The following NRG1 variants were observed in gnomAD, a reference collection of about 807,000 sequenced individuals.
NRG1 encodes the protein neuregulin 1, also known as pro-neuregulin-1, membrane-bound isoform.
Under a neutral mutation model 63.8 loss-of-function variants are expected in NRG1, and 18 were observed. That is an observed-to-expected ratio of 0.28 (90% CI 0.19 to 0.42). The LOEUF is 0.42. NRG1 is among the 10% of genes least tolerant of loss of function. NRG1 has a pLI of 1.00. For missense variants in NRG1, 762 were observed against 814.7 expected, an observed-to-expected ratio of 0.94 and a Z score of 0.79; for synonymous variants, 302 against 301.3, an observed-to-expected ratio of 1.00 and a Z score of -0.02.
intron 1 of NRG1, among the ~76,000 whole-genome samples, chr8:32,426,262 T>C (rs1817357859): frequency 6.6e-6 from 1 of 152,158 alleles, no homozygotes; most frequent in African/African-American, 2.4e-5. Context: ...TCAATGGCCG[T>C]AGGTTGCTGT....
intron 6 of NRG1, among the ~76,000 whole-genome samples, chr8:32,733,508 G>T (rs1194933758): frequency 6.6e-6 from 1 of 152,044 alleles, no homozygotes; most frequent in African/African-American, 2.4e-5. Context: ...TATGCCTGAG[G>T]TCGCAATTTT....
intron 1 of NRG1, among the ~76,000 whole-genome samples, chr8:32,258,404 A>G (rs1849982503): frequency 6.6e-6 from 1 of 152,212 alleles, no homozygotes; most frequent in Non-Finnish European, 1.5e-5. Flanking sequence ...ATTCCTTACA[A>G]CACTGTAAGT....
chr8:31,891,374 G>A (rs977171571), intron 1 of NRG1, among the ~76,000 whole-genome samples: 6 of 152,052 alleles, frequency 3.9e-5, no homozygotes, highest in South Asian at 2.1e-4. Flanking sequence ...TGGTGAAAAA[G>A]CACATGAAAA....
intron 1 of NRG1, among the ~76,000 whole-genome samples, chr8:31,997,287 A>G (rs35216206): frequency 0.1 from 15,237 of 151,288 alleles, 941 homozygotes; most frequent in African/African-American, 0.15. Flanking sequence ...GTTAGTTTCA[A>G]AGGAAATAAT....
intron 1 of NRG1, among the ~76,000 whole-genome samples, chr8:32,086,351 G>T (rs1006845054): frequency 6.6e-6 from 1 of 152,222 alleles, no homozygotes; most frequent in African/African-American, 2.4e-5. Flanking sequence ...AGGTGTTTCT[G>T]AGAGTGTCTC....
chr8:32,193,347 C>G (rs926244903), intron 1 of NRG1, among the ~76,000 whole-genome samples: 3 of 151,128 alleles, frequency 2.0e-5, no homozygotes, highest in Non-Finnish European at 4.4e-5. Context: ...TCCTCAGTGT[C>G]AGGGTGATAG....
chr8:32,722,337 C>G (rs925247547), intron 5 of NRG1, among the ~76,000 whole-genome samples: 1 of 152,082 alleles, frequency 6.6e-6, no homozygotes, highest in Non-Finnish European at 1.5e-5. Context: ...TGTAATGGTC[C>G]TGGTCTACTG....
chr8:31,690,153 G>A (rs887534937), intron 1 of NRG1, among the ~76,000 whole-genome samples: 2 of 152,194 alleles, frequency 1.3e-5, no homozygotes, highest in African/African-American at 2.4e-5. Context: ...CTGCTGCCAT[G>A]TGAATAATGA....
intron 1 of NRG1, among the ~76,000 whole-genome samples, chr8:31,828,304 C>T (rs1458089171): frequency 1.3e-5 from 2 of 152,152 alleles, no homozygotes; most frequent in Non-Finnish European, 2.9e-5. Flanking sequence ...AAATAACTTG[C>T]TTTTTACTCT....
chr8:32,594,542 C>G (rs140418090), intron 1 of NRG1, among the ~76,000 whole-genome samples: 1 of 152,308 alleles, frequency 6.6e-6, no homozygotes, highest in African/African-American at 2.4e-5. Context: ...CCGTATTACC[C>G]AGTTTCCACA....
intron 1 of NRG1, among the ~76,000 whole-genome samples, chr8:31,670,030 T>C (rs1806962085): frequency 6.6e-6 from 1 of 152,154 alleles, no homozygotes; most frequent in Non-Finnish European, 1.5e-5. Context: ...ACATGTGCTT[T>C]ATAGAAAGGA....
intron 1 of NRG1, among the ~76,000 whole-genome samples, chr8:31,989,826 G>A (rs1176065708): frequency 6.6e-6 from 1 of 152,076 alleles, no homozygotes. Context: ...TCTTGGAAGA[G>A]TGGTTTGTGG....
intron 1 of NRG1, among the ~76,000 whole-genome samples, chr8:32,253,263 T>C (rs1002248119): frequency 3.3e-5 from 5 of 152,202 alleles, no homozygotes; most frequent in Non-Finnish European, 7.4e-5. Flanking sequence ...AGGGCATCCT[T>C]GTCTTGTGCC....
chr8:32,706,292 A>G (rs776441391), intron 5 of NRG1, among the ~76,000 whole-genome samples: 8 of 152,234 alleles, frequency 5.3e-5, no homozygotes, highest in Non-Finnish European at 1.0e-4. Context: ...AGATGTAGGC[A>G]TAGATATATT....
chr8:31,919,388 C>CT (rs145595992), intron 1 of NRG1, among the ~76,000 whole-genome samples: 40,525 of 142,154 alleles, frequency 0.29, 6,109 homozygotes, highest in East Asian at 0.68. Context: ...GGTTGTCATT[C>CT]TTTTTTTTTT....
intron 1 of NRG1, among the ~76,000 whole-genome samples, chr8:32,507,691 C>G (rs1828696271): frequency 6.6e-6 from 1 of 152,158 alleles, no homozygotes; most frequent in Non-Finnish European, 1.5e-5. Flanking sequence ...ACTTATTAAT[C>G]CTTTGCAAAT....
intron 1 of NRG1, among the ~76,000 whole-genome samples, chr8:32,185,533 G>A (rs6981079): frequency 0.02 from 2,973 of 152,228 alleles, 93 homozygotes; most frequent in African/African-American, 0.067. Flanking sequence ...CAAGACAACA[G>A]CATTGCAAAA....
chr8:32,372,561 A>G (rs1447630998), intron 1 of NRG1, among the ~76,000 whole-genome samples: 1 of 152,136 alleles, frequency 6.6e-6, no homozygotes, highest in African/African-American at 2.4e-5. Context: ...TTCCTGCACA[A>G]ATTTGCGGGC....
intron 1 of NRG1, among the ~76,000 whole-genome samples, chr8:32,207,848 G>T (rs144708647): frequency 6.6e-6 from 1 of 152,142 alleles, no homozygotes; most frequent in African/African-American, 2.4e-5. Context: ...AGAATAATGT[G>T]TTACTCATAT....
Sources: gnomAD v4.1 joint callset for allele counts (sites outside exome capture counted in the v4.1 genomes callset) on GRCh38, gnomAD v4.1.1 for gene constraint, MANE v1.5 for transcripts, NCBI Gene and HGNC (gene_info 2026-07-23, HGNC 2026-07-21) for gene names.